PCSK2: variants seen among roughly 807,000 people sequenced by gnomAD.
The protein encoded by PCSK2 is proprotein convertase subtilisin/kexin type 2, also known as neuroendocrine convertase 2.
A neutral mutation model predicts 69.7 loss-of-function variants in PCSK2; 14 were observed. The ratio of observed to expected loss-of-function variants is 0.20; its 90% CI spans 0.13 to 0.31. PCSK2 has a LOEUF of 0.31. Among genes scored for constraint, PCSK2 ranks in the 10% least tolerant of loss-of-function variants. The pLI, the probability that PCSK2 is intolerant of heterozygous loss-of-function variation, is 1.00. For synonymous variants in PCSK2, 307 were observed against 320.7 expected (o/e 0.96, Z 0.46); for missense variants, 544 against 842.5 (o/e 0.65, Z 4.39).
chr20:17,409,625 C>T (rs1253446661), intron 6 of PCSK2, among the ~76,000 whole-genome samples: 2 of 152,136 alleles, frequency 1.3e-5, no homozygotes, highest in African/African-American at 4.8e-5. Context: ...TTTCTCAACC[C>T]ATTACAAGGT....
rs1198754055 is a variant in PCSK2, at chr20:17,453,625, T to G, written c.886-117T>G. The G allele has an allele frequency of 3.9e-6, 4 of 1,035,272 alleles. No homozygotes were observed. The East Asian group carries it at 1.0e-4, about 26-fold the overall frequency. 64.1% of individuals were successfully genotyped at this position (1,035,272 alleles called of 1,614,324 possible). ...ATGGTGTCCAACCCAGTTTAAAAAG[T>G]GCACCCAGTCTTTAGGTTCAACTGC... On this transcript the variant is annotated intron_variant, in intron 8 of 11. Transcript: ENST00000262545. The surrounding 1 kb of genome is among the most constrained non-coding windows in gnomAD (Gnocchi z 4.0).
intron 5 of PCSK2, among the ~76,000 whole-genome samples, chr20:17,384,181 T>G (rs2031167555): frequency 6.6e-6 from 1 of 152,070 alleles, no homozygotes; most frequent in Admixed American, 6.6e-5. Flanking sequence ...ACAGCAAAAA[T>G]CTGAGAGGGA....
intron 1 of PCSK2, among the ~76,000 whole-genome samples, chr20:17,240,214 A>C (rs1986514434): frequency 6.6e-6 from 1 of 152,044 alleles, no homozygotes; most frequent in African/African-American, 2.4e-5. Flanking sequence ...GGCCAAAGCA[A>C]GTCACATGGC....
At chr20:17,401,508 A>G (rs1415363483) in intron 5 of PCSK2, among the ~76,000 whole-genome samples, 1 of 152,172 alleles carries the variant, frequency 6.6e-6, no homozygotes, top group Admixed American at 6.5e-5. Flanking sequence ...ACAAACACAC[A>G]GGGGGTTATA....
At chr20:17,364,985 G>A (rs2030543170) in intron 4 of PCSK2, among the ~76,000 whole-genome samples, 1 of 152,168 alleles carries the variant, frequency 6.6e-6, no homozygotes. Context: ...TCACCAGAGT[G>A]GCTATAAACT....
At chr20:17,231,864 C>G (rs1986154123) in intron 1 of PCSK2, among the ~76,000 whole-genome samples, 1 of 152,126 alleles carries the variant, frequency 6.6e-6, no homozygotes, top group Non-Finnish European at 1.5e-5. Flanking sequence ...GACCTGAAGT[C>G]TTTATTTTCT....
intron 2 of PCSK2, among the ~76,000 whole-genome samples, chr20:17,342,260 C>T (rs1305443013): frequency 1.3e-5 from 2 of 152,210 alleles, no homozygotes; most frequent in Non-Finnish European, 2.9e-5. Context: ...TTATTCCATG[C>T]TTACTTATTT....
intron 11 of PCSK2, among the ~76,000 whole-genome samples, chr20:17,468,058 G>A (rs539184298): frequency 1.8e-5 from 2 of 114,040 alleles, no homozygotes; most frequent in Admixed American, 1.9e-4. Flanking sequence ...CCTACCATAG[G>A]TAAGCATCCT....
intron 2 of PCSK2, among the ~76,000 whole-genome samples, chr20:17,324,827 T>C (rs1989991388): frequency 6.6e-6 from 1 of 152,124 alleles, no homozygotes; most frequent in African/African-American, 2.4e-5. Context: ...CAGAAGGAAA[T>C]GGGGATGTCC....
Position 17,482,144 on chromosome 20 carries a change from G to A in PCSK2, c.*74G>A. 7.1e-7 allele frequency: 1 copy of A among 1,411,122 alleles called. No homozygotes were observed. The highest frequency in any genetic ancestry group is 1.5e-5 in the South Asian group (1 of 68,858). 87.4% of individuals were successfully genotyped at this position (1,411,122 alleles called of 1,614,324 possible). ...TGTCCTCGCTCCACGTTTCAGGCAG[G>A]CACCTAGCAATTCCATCACCCGTAC... On this transcript the variant is annotated 3_prime_UTR_variant, in exon 12 of 12. Transcript: ENST00000262545.
intron 2 of PCSK2, among the ~76,000 whole-genome samples, chr20:17,264,516 A>G (rs190106568): frequency 9.2e-5 from 14 of 152,332 alleles, no homozygotes; most frequent in African/African-American, 3.4e-4. Context: ...TTTAATAACC[A>G]TAAAAGGCAG....
At chr20:17,424,970 A>G (rs1419239923) in intron 6 of PCSK2, among the ~76,000 whole-genome samples, 2 of 151,748 alleles carry the variant, frequency 1.3e-5, no homozygotes, top group Non-Finnish European at 2.9e-5. Context: ...TGTTTTTAGT[A>G]GAGACGGGGT....
intron 11 of PCSK2, among the ~76,000 whole-genome samples, chr20:17,477,637 TA>T (rs2033315502): frequency 6.6e-6 from 1 of 152,144 alleles, no homozygotes; most frequent in Admixed American, 6.5e-5. Context: ...TAACAGGTAT[TA>T]ATTATTGTTA....
At chr20:17,349,520 C>T (rs928314910) in intron 2 of PCSK2, among the ~76,000 whole-genome samples, 4 of 152,158 alleles carry the variant, frequency 2.6e-5, no homozygotes, top group African/African-American at 9.7e-5. Flanking sequence ...TCTACCCTCC[C>T]CAGGAAGATA....
At chr20:17,372,423 A>ATAAT (rs1208686598) in intron 5 of PCSK2, among the ~76,000 whole-genome samples, 4 of 148,754 alleles carry the variant, frequency 2.7e-5, no homozygotes, top group East Asian at 1.9e-4. Context: ...AAATAAATAA[A>ATAAT]TAAATAAAAA....
chr20:17,372,406 A>AATAC (rs1443285873), intron 5 of PCSK2, among the ~76,000 whole-genome samples: 1 of 149,658 alleles, frequency 6.7e-6, no homozygotes, highest in East Asian at 1.9e-4. Context: ...TAAATAAATA[A>AATAC]ATAAATAAAT....
chr20:17,286,924 T>C (rs1269572172), intron 2 of PCSK2, among the ~76,000 whole-genome samples: 1 of 152,196 alleles, frequency 6.6e-6, no homozygotes, highest in Non-Finnish European at 1.5e-5. Context: ...GGAATTGGCT[T>C]ATGCAATTGT....
In PCSK2 at chr20:17,227,116, T is replaced by G. The variant is rs917271462; in HGVS notation, c.-190T>G. The G allele has an allele frequency of 1.8e-6, 1 of 563,154 alleles. No homozygotes were observed. Among genetic ancestry groups the G allele is most frequent in the Admixed American group, 3.2e-5 (1 of 31,446 alleles). 34.9% of individuals were successfully genotyped at this position (563,154 alleles called of 1,614,324 possible). A position where few individuals can be genotyped will look rare whatever the true frequency, so the allele number is the denominator to read the frequency against. On this transcript the variant is annotated 5_prime_UTR_variant, in exon 1 of 12. Transcript: ENST00000262545. ...CGCCGGGCCGCCTGACTGCACGGCT[T>G]CCCCTCCAGCCAGATGCTGGAGAAC...
intron 10 of PCSK2, 161 bp from the exon 11 acceptor site, chr20:17,465,165 G>C (rs1381240588): frequency 4.4e-6 from 3 of 689,418 alleles, no homozygotes; most frequent in Non-Finnish European, 7.9e-6. Flanking sequence ...GTTTTGAATG[G>C]TGCATGGACA....
Sources: allele counts gnomAD v4.1 joint callset (sites outside exome capture counted in the v4.1 genomes callset), GRCh38; gene constraint gnomAD v4.1.1; non-coding constraint Gnocchi (gnomAD v3.1); transcripts MANE v1.5; gene names NCBI Gene and HGNC (gene_info 2026-07-23, HGNC 2026-07-21).